The following CDH20 variants were observed in gnomAD, a reference collection of about 807,000 sequenced individuals.
CDH20 encodes the protein cadherin 20.
In CDH20, 29 loss-of-function variants were observed where a neutral mutation model predicts 74.2. The observed-to-expected ratio is 0.39, with a 90% CI of 0.29 to 0.53. The LOEUF is 0.53. Ranked by LOEUF, CDH20 falls within the 20% of genes least tolerant of loss-of-function variation. CDH20 has a pLI of 0.69. For synonymous variants in CDH20, 469 were observed against 405.4 expected (o/e 1.16, Z -1.88); for missense variants, 988 against 1,048.3 (o/e 0.94, Z 0.79).
At chr18:61,342,942 C>A (rs1909999945) in intron 1 of CDH20, among the ~76,000 whole-genome samples, 1 of 152,150 alleles carries the variant, frequency 6.6e-6, no homozygotes, top group Admixed American at 6.5e-5. Context: ...TCCTTTGGGA[C>A]CATACTGGGT....
intron 1 of CDH20, among the ~76,000 whole-genome samples, chr18:61,404,392 T>C (rs1912255741): frequency 6.6e-6 from 1 of 152,154 alleles, no homozygotes. Context: ...TAAAGGCCAC[T>C]AACCCACCAA....
intron 1 of CDH20, among the ~76,000 whole-genome samples, chr18:61,382,137 T>C (rs889943121): frequency 6.6e-6 from 1 of 152,172 alleles, no homozygotes; most frequent in African/African-American, 2.4e-5. Flanking sequence ...CAATCCATCA[T>C]TTCATTGCTA....
intron 5 of CDH20, 98 bp from the exon 6 acceptor site, chr18:61,507,275 A>G (rs1911602248): frequency 8.4e-7 from 1 of 1,194,532 alleles, no homozygotes; most frequent in African/African-American, 1.5e-5. Flanking sequence ...GAACCCAGAA[A>G]AAAAGATATT....
chr18:61,385,659 G>A (rs560709006), intron 1 of CDH20, among the ~76,000 whole-genome samples: 10 of 152,076 alleles, frequency 6.6e-5, no homozygotes, highest in South Asian at 2.1e-4. Flanking sequence ...ACAGCTGGGC[G>A]CAGTGGCTCA....
chr18:61,342,107 T>C (rs1253576795), intron 1 of CDH20, among the ~76,000 whole-genome samples: 1 of 152,216 alleles, frequency 6.6e-6, no homozygotes, highest in African/African-American at 2.4e-5. Context: ...TCAAATTGTT[T>C]CGAGTTGTTT....
chr18:61,459,423 G>A (rs1322231040), intron 1 of CDH20, among the ~76,000 whole-genome samples: 3 of 152,184 alleles, frequency 2.0e-5, no homozygotes, highest in Non-Finnish European at 4.4e-5. Flanking sequence ...GAAGGGGGAA[G>A]AGGAAGTGGT....
At chr18:61,376,565 T>C (rs1313807292) in intron 1 of CDH20, among the ~76,000 whole-genome samples, 5 of 151,612 alleles carry the variant, frequency 3.3e-5, no homozygotes, top group Admixed American at 3.3e-4. Context: ...TAAATTATTA[T>C]TAAAAACACA....
chr18:61,503,187 G>A (rs1911446890), intron 5 of CDH20, 67 bp downstream of exon 5: 1 of 1,214,702 alleles, frequency 8.2e-7, no homozygotes, highest in African/African-American at 1.5e-5. Flanking sequence ...CAGAGGTGCG[G>A]GAGAAAGCCC....
chr18:61,373,053 CT>C (rs1911096260), intron 1 of CDH20, among the ~76,000 whole-genome samples: 1 of 152,076 alleles, frequency 6.6e-6, no homozygotes, highest in African/African-American at 2.4e-5. Flanking sequence ...TCATGGTTAA[CT>C]GATGGTGAGA....
At chr18:61,494,045 T>C (rs565337579) in intron 2 of CDH20, among the ~76,000 whole-genome samples, 1 of 152,280 alleles carries the variant, frequency 6.6e-6, no homozygotes, top group East Asian at 1.9e-4. Context: ...TCAAAGCAGA[T>C]CATTTAATCA....
At chr18:61,405,274 G>A (rs1912294260) in intron 1 of CDH20, 1 of 353,754 alleles carries the variant, frequency 2.8e-6, no homozygotes. Context: ...GAGCGAGAAA[G>A]GCCATTGTCA....
intron 6 of CDH20, among the ~76,000 whole-genome samples, chr18:61,518,789 T>C (rs1270392090): frequency 6.6e-6 from 1 of 151,078 alleles, no homozygotes; most frequent in Non-Finnish European, 1.5e-5. Context: ...CTGACAGAAG[T>C]GGGCTTCAGA....
rs943503985 is a variant in CDH20, at chr18:61,507,301, G to A, written c.830-72G>A. On this transcript the variant is annotated intron_variant, in intron 5 of 11. Transcript: ENST00000262717. ...AAAAGATATTTTGCACAGCACTCCTGATATGATAATGATGAGGCATTTTTT... is the reference window on the plus strand; with the variant it reads ...AAAAGATATTTTGCACAGCACTCCTAATATGATAATGATGAGGCATTTTTT... The A allele has an allele frequency of 2.1e-6, 3 of 1,397,550 alleles. No individual in the cohort carries two copies. The African/African-American group carries it at 4.3e-5, about 20-fold the overall frequency. 86.6% of individuals were successfully genotyped at this position (1,397,550 alleles called of 1,614,324 possible). A position where few individuals can be genotyped will look rare whatever the true frequency, so the allele number is the denominator to read the frequency against.
Position 61,469,452 on chromosome 18 carries a change from C to T in CDH20, c.-152-20950C>T, listed in dbSNP as rs187046135. Among the ~76,000 whole-genome samples the T allele has an allele frequency of 1.3e-3, 202 of 152,220 alleles. 1 individual carries two copies. Among genetic ancestry groups the T allele is most frequent in the African/African-American group, 4.6e-3 (191 of 41,530 alleles). ...TAGAAATACAGACTGGGTTGTCACA[C>T]ACACAGGTGATCTGGCTGCTTCAGC... On this transcript the variant is annotated intron_variant, in intron 1 of 11. Coordinates refer to ENST00000262717, the MANE Select transcript of CDH20 (RefSeq NM_031891.4).
intron 1 of CDH20, among the ~76,000 whole-genome samples, chr18:61,471,961 A>T (rs1910196778): frequency 6.6e-6 from 1 of 152,118 alleles, no homozygotes; most frequent in Non-Finnish European, 1.5e-5. Flanking sequence ...GCTGATAGGT[A>T]TTTGCCACTA....
chr18:61,450,288 A>G (rs192492349), intron 1 of CDH20, among the ~76,000 whole-genome samples: 20 of 151,566 alleles, frequency 1.3e-4, no homozygotes, highest in African/African-American at 4.4e-4. Context: ...AACACAGTCT[A>G]CCTCCCTCTC....
At chr18:61,364,674 C>A (rs200066366) in intron 1 of CDH20, among the ~76,000 whole-genome samples, 1 of 152,064 alleles carries the variant, frequency 6.6e-6, no homozygotes, top group East Asian at 1.9e-4. Flanking sequence ...ACCCCTTCCC[C>A]ACCACCTGCT....
At chr18:61,448,050 G>A (rs1909258445) in intron 1 of CDH20, among the ~76,000 whole-genome samples, 1 of 152,172 alleles carries the variant, frequency 6.6e-6, no homozygotes, top group Non-Finnish European at 1.5e-5. Flanking sequence ...CCCTCACTAT[G>A]AACTTCAGTT....
At chr18:61,496,252 TTCTCCCTTCC>T (rs1366431566) in intron 2 of CDH20, among the ~76,000 whole-genome samples, 1 of 98,192 alleles carries the variant, frequency 1.0e-5, no homozygotes, top group African/African-American at 4.2e-5. Context: ...TCTCCCCGCC[TTCTCCCTTCC>T]TCTCCCTTCC....
Sources: gnomAD v4.1 joint callset for allele counts (sites outside exome capture counted in the v4.1 genomes callset) on GRCh38, gnomAD v4.1.1 for gene constraint, MANE v1.5 for transcripts, NCBI Gene and HGNC (gene_info 2026-07-23, HGNC 2026-07-21) for gene names.